The following FRMD6 variants were observed in gnomAD, a reference collection of about 807,000 sequenced individuals.
FRMD6 encodes FERM domain containing 6, also known as FERM domain-containing protein 6.
A neutral mutation model predicts 73.2 loss-of-function variants in FRMD6; 37 were observed. That is an observed-to-expected ratio of 0.51 (90% CI 0.39 to 0.66). FRMD6 has a LOEUF of 0.66. FRMD6 is among the 30% of genes least tolerant of loss of function. The pLI, the probability that FRMD6 is intolerant of heterozygous loss-of-function variation, is 0.00. For missense variants in FRMD6, 714 were observed against 780.5 expected, an observed-to-expected ratio of 0.91 and a Z score of 1.02; for synonymous variants, 273 against 282.2, an observed-to-expected ratio of 0.97 and a Z score of 0.33.
At chr14:51,583,024 C>T (rs950691455) in intron 2 of FRMD6, among the ~76,000 whole-genome samples, 5 of 152,146 alleles carry the variant, frequency 3.3e-5, no homozygotes, top group African/African-American at 1.2e-4. Context: ...CATGGTGGCA[C>T]TCATATGCGT....
At chr14:51,650,553 G>A (rs1265568364), upstream of FRMD6, 1 of 151,204 alleles carries the variant, frequency 6.6e-6, no homozygotes, top group Non-Finnish European at 1.5e-5. Context: ...CCGCCACTAC[G>A]CCCGGCTAAT....
chr14:51,529,856 A>C (rs1229433469), intron 1 of FRMD6, among the ~76,000 whole-genome samples: 10 of 152,188 alleles, frequency 6.6e-5, no homozygotes, highest in Admixed American at 6.5e-4. Flanking sequence ...GGCACAAACC[A>C]ACAAAAGCAC....
At chr14:51,664,247 G>T (rs1893419969) in intron 1 of FRMD6, among the ~76,000 whole-genome samples, 1 of 152,174 alleles carries the variant, frequency 6.6e-6, no homozygotes, top group African/African-American at 2.4e-5. Context: ...TAGAAAAATT[G>T]CCTCGTTAAA....
intron 1 of FRMD6, among the ~76,000 whole-genome samples, chr14:51,552,968 T>A (rs1886925443): frequency 6.6e-6 from 1 of 152,180 alleles, no homozygotes; most frequent in Non-Finnish European, 1.5e-5. Flanking sequence ...AAGCTGGCAG[T>A]CTGCCAGGTG....
intron 1 of FRMD6, among the ~76,000 whole-genome samples, chr14:51,665,287 G>T (rs548687487): frequency 2.6e-4 from 40 of 152,324 alleles, no homozygotes; most frequent in African/African-American, 9.4e-4. Flanking sequence ...CCCTGGCAGA[G>T]ACTCTCTTGT....
chr14:51,610,544 C>A (rs369469995), intron 2 of FRMD6, among the ~76,000 whole-genome samples: 297 of 151,998 alleles, frequency 2.0e-3, no homozygotes, highest in Admixed American at 3.4e-3. Flanking sequence ...AAGATTAGAA[C>A]CAGGATCCCC....
the FRMD6 span, among the ~76,000 whole-genome samples, chr14:51,444,827 G>T: frequency 5.3e-5 from 8 of 152,106 alleles, no homozygotes; most frequent in African/African-American, 1.9e-4. Context: ...CCTTGTTGTC[G>T]ATGTTGGTGT....
chr14:51,402,437 C>A, the FRMD6 span, among the ~76,000 whole-genome samples: 5 of 152,022 alleles, frequency 3.3e-5, no homozygotes, highest in Non-Finnish European at 5.9e-5. Flanking sequence ...AGTGAGTGGG[C>A]CTCACAAGAT....
chr14:51,424,717 C>T, the FRMD6 span, among the ~76,000 whole-genome samples: 16 of 152,212 alleles, frequency 1.1e-4, no homozygotes, highest in Non-Finnish European at 1.6e-4. Context: ...TTCTGTCTCT[C>T]ATTCTTGCAG....
intron 1 of FRMD6, among the ~76,000 whole-genome samples, chr14:51,528,244 T>A (rs1375548504): frequency 1.3e-5 from 2 of 152,154 alleles, no homozygotes; most frequent in Non-Finnish European, 2.9e-5. Context: ...TGCCAGTGGA[T>A]CATCCAGCTG....
the FRMD6 span, among the ~76,000 whole-genome samples, chr14:51,469,384 C>A: frequency 6.7e-6 from 1 of 150,006 alleles, no homozygotes; most frequent in Non-Finnish European, 1.5e-5. Context: ...GAGGCCGAGG[C>A]GGGCGGATCA....
chr14:51,417,728 T>C, the FRMD6 span, among the ~76,000 whole-genome samples: 1 of 152,254 alleles, frequency 6.6e-6, no homozygotes, highest in Non-Finnish European at 1.5e-5. Flanking sequence ...TTCTCCTGGA[T>C]AACATCCTGA....
At chr14:51,454,354 C>A in the FRMD6 span, among the ~76,000 whole-genome samples, 1 of 152,166 alleles carries the variant, frequency 6.6e-6, no homozygotes, top group African/African-American at 2.4e-5. Context: ...ACCAAATTAC[C>A]ACTTCAGTGT....
chr14:51,698,258 GA>G (rs1896074716), intron 3 of FRMD6, 26 bp downstream of exon 3: 2 of 1,511,176 alleles, frequency 1.3e-6, no homozygotes, highest in Non-Finnish European at 1.8e-6. Context: ...CTCTCTGATG[GA>G]TTTAGCCAAC....
At chr14:51,530,026 G>A (rs1885491570) in intron 1 of FRMD6, among the ~76,000 whole-genome samples, 1 of 152,222 alleles carries the variant, frequency 6.6e-6, no homozygotes, top group South Asian at 2.1e-4. Flanking sequence ...AAGCTCATGA[G>A]AGACAGCTGT....
At chr14:51,610,315 T>G (rs1470632446) in intron 2 of FRMD6, among the ~76,000 whole-genome samples, 2 of 135,872 alleles carry the variant, frequency 1.5e-5, no homozygotes, top group African/African-American at 5.7e-5. Flanking sequence ...CCCATCCTAT[T>G]CTTTTTTTAA....
intron 2 of FRMD6, chr14:51,643,778 G>A (rs891576797): frequency 5.9e-5 from 9 of 152,196 alleles, no homozygotes; most frequent in African/African-American, 1.9e-4. Context: ...AGGTGGCGGA[G>A]GCTGAGCAAA....
At chr14:51,472,861 A>G in the FRMD6 span, among the ~76,000 whole-genome samples, 2 of 152,180 alleles carry the variant, frequency 1.3e-5, no homozygotes, top group South Asian at 2.1e-4. Flanking sequence ...GTTAATCCCC[A>G]AGGCTGTGCT....
At chr14:51,468,699 G>C in the FRMD6 span, among the ~76,000 whole-genome samples, 1 of 152,176 alleles carries the variant, frequency 6.6e-6, no homozygotes, top group Non-Finnish European at 1.5e-5. Flanking sequence ...TTGTCATTAA[G>C]CATGATGTTA....
Sources: allele counts gnomAD v4.1 joint callset (sites outside exome capture counted in the v4.1 genomes callset), GRCh38; gene constraint gnomAD v4.1.1; transcripts MANE v1.5; gene names NCBI Gene and HGNC (gene_info 2026-07-23, HGNC 2026-07-21).